STEAP1B: variants seen among roughly 807,000 people sequenced by gnomAD.
STEAP1B encodes the protein STEAP family protein MGC87042.
Under a neutral mutation model 27.9 loss-of-function variants are expected in STEAP1B, and 13 were observed. The observed-to-expected ratio is 0.47, with a 90% confidence interval of 0.30 to 0.74. The LOEUF (loss-of-function observed/expected upper bound fraction) is 0.74, where lower values mean the gene tolerates loss of function less well. Ranked by LOEUF, STEAP1B falls within the 30% of genes least tolerant of loss-of-function variation. The pLI, the probability that STEAP1B is intolerant of heterozygous loss-of-function variation, is 0.06. For missense variants in STEAP1B, 250 were observed against 298.7 expected (o/e 0.84, Z 1.20); for synonymous variants, 86 against 107.1 (o/e 0.80, Z 1.22).
chr7:22,435,361 G>A (rs1221607465), intron 4 of STEAP1B, among the ~76,000 whole-genome samples: 3 of 151,988 alleles, frequency 2.0e-5, no homozygotes, highest in Non-Finnish European at 4.4e-5. Context: ...AAACCACAGA[G>A]AAAAGCTGGA....
At chr7:22,435,074 T>A (rs1785237314) in intron 4 of STEAP1B, among the ~76,000 whole-genome samples, 1 of 152,136 alleles carries the variant, frequency 6.6e-6, no homozygotes. Context: ...AATAGCCACA[T>A]GTGGTTAACA....
chr7:22,469,449 C>T (rs1348420309), intron 4 of STEAP1B, among the ~76,000 whole-genome samples: 1 of 152,118 alleles, frequency 6.6e-6, no homozygotes, highest in African/African-American at 2.4e-5. Flanking sequence ...TATTAGTGTA[C>T]AGAATGTCCT....
At chr7:22,438,352 G>A (rs1785280834) in intron 4 of STEAP1B, 8 of 1,010,582 alleles carry the variant, frequency 7.9e-6, no homozygotes, top group East Asian at 2.6e-5. Flanking sequence ...ACATAATACT[G>A]TTAGTGAAGA....
chr7:22,461,678 C>T (rs532445564), intron 4 of STEAP1B, among the ~76,000 whole-genome samples: 14 of 152,318 alleles, frequency 9.2e-5, no homozygotes, highest in Middle Eastern at 3.4e-3. Context: ...TATTGGATTA[C>T]ACCATGTGCT....
At position 22,493,484 on chromosome 7, in the gene STEAP1B, T is replaced by C. The variant is rs1340210197; in HGVS notation, c.437A>G (p.Lys146Arg). Residue 146 changes from lysine to arginine, a missense_variant, in exon 3 of 5, where the codon AAG becomes AGG. By Grantham distance (26) the Lys-to-Arg change is conservative. Coordinates refer to ENST00000678116, the MANE Select transcript of STEAP1B (RefSeq NM_001382447.1). ...CAACCAATGTGGAAACTTCTTATAC[T>C]TGGTTCCATTATGAACTTGGACAAT... ...AAIVQVHNGT[K>R]YKKFPHWLDK... The C allele has an allele frequency of 6.2e-7, 1 of 1,613,572 alleles. No individual in the cohort carries two copies. Among genetic ancestry groups the C allele is most frequent in the African/African-American group, 1.3e-5 (1 of 74,866 alleles).
At chr7:22,491,413 T>C (rs1786319241) in intron 4 of STEAP1B, among the ~76,000 whole-genome samples, 1 of 152,160 alleles carries the variant, frequency 6.6e-6, no homozygotes, top group African/African-American at 2.4e-5. Context: ...GAATTCATAA[T>C]AGAATAAAGC....
intron 4 of STEAP1B, among the ~76,000 whole-genome samples, chr7:22,443,138 G>A (rs988044657): frequency 2.0e-5 from 3 of 151,996 alleles, no homozygotes; most frequent in Non-Finnish European, 2.9e-5. Flanking sequence ...CTCATCTTTC[G>A]CAGGTGTTTA....
intron 4 of STEAP1B, among the ~76,000 whole-genome samples, chr7:22,451,500 G>T (rs1785488882): frequency 6.6e-6 from 1 of 152,090 alleles, no homozygotes; most frequent in African/African-American, 2.4e-5. Flanking sequence ...AAAAGGTTTT[G>T]TTTTTCCCCA....
At chr7:22,497,728 CT>C (rs919005075) in intron 1 of STEAP1B, among the ~76,000 whole-genome samples, 3 of 152,112 alleles carry the variant, frequency 2.0e-5, no homozygotes, top group Non-Finnish European at 4.4e-5. Flanking sequence ...ATACCTGAGA[CT>C]GGGTAATTAT....
intron 1 of STEAP1B, among the ~76,000 whole-genome samples, chr7:22,497,990 A>G (rs918931523): frequency 4.6e-5 from 7 of 152,212 alleles, no homozygotes; most frequent in African/African-American, 1.7e-4. Context: ...TCAGATCATC[A>G]GGCAATAGTT....
At chr7:22,463,485 C>T (rs1199649640) in intron 4 of STEAP1B, among the ~76,000 whole-genome samples, 1 of 152,136 alleles carries the variant, frequency 6.6e-6, no homozygotes, top group African/African-American at 2.4e-5. Flanking sequence ...TGAAAAAGAG[C>T]CTGCATCGCC....
chr7:22,424,401 G>A (rs984934473), intron 4 of STEAP1B, among the ~76,000 whole-genome samples: 1 of 151,892 alleles, frequency 6.6e-6, no homozygotes, highest in African/African-American at 2.4e-5. Context: ...AATAAACAAA[G>A]GAAAATATAT....
rs1477182254 is a variant in STEAP1B at position 22,462,714 on chromosome 7, C to T, written c.762+29851G>A. 6.0e-5 allele frequency among the ~76,000 whole-genome samples: 9 copies of T among 151,202 alleles called. No individual in the cohort carries two copies. The East Asian group carries it at 1.7e-3, about 29-fold the overall frequency. On this transcript the variant is annotated intron_variant, in intron 4 of 4. Transcript: ENST00000678116. The stretch of plus-strand genomic sequence containing the variant: ...CATACGTGTGCATGTGTCTTTATAG[C>T]AGCATGATTTATAGTCCTTTGGGTA...
chr7:22,492,459 C>T, intron 4 of STEAP1B, 106 bp downstream of exon 4: 1 of 1,393,074 alleles, frequency 7.2e-7, no homozygotes, highest in South Asian at 1.8e-5. Context: ...AAGATCTTTG[C>T]TGTTGAAAAA....
intron 4 of STEAP1B, among the ~76,000 whole-genome samples, chr7:22,492,116 C>T (rs760499605): frequency 1.1e-4 from 16 of 151,584 alleles, no homozygotes; most frequent in African/African-American, 1.5e-4. Context: ...GTCAGGAGAT[C>T]GAGACCATCC....
At chr7:22,477,319 T>G (rs1274118106) in intron 4 of STEAP1B, among the ~76,000 whole-genome samples, 27 of 152,226 alleles carry the variant, frequency 1.8e-4, no homozygotes, top group Admixed American at 1.8e-3. Context: ...CTTTTATTAT[T>G]GATCCCTGAT....
chr7:22,433,937 C>T (rs10275929), intron 4 of STEAP1B, among the ~76,000 whole-genome samples: 35,712 of 152,068 alleles, frequency 0.23, 5,156 homozygotes, highest in Non-Finnish European at 0.31. Flanking sequence ...AGTGTTATGG[C>T]GGGAGCAGGG....
chr7:22,438,590 C>A, intron 4 of STEAP1B: 1 of 1,552,108 alleles, frequency 6.4e-7, no homozygotes, highest in Non-Finnish European at 8.7e-7. Context: ...GAAGGGCTGG[C>A]TGCTGATAAA....
At chr7:22,499,483 G>A (rs1786499079) in intron 1 of STEAP1B, among the ~76,000 whole-genome samples, 1 of 152,140 alleles carries the variant, frequency 6.6e-6, no homozygotes, top group East Asian at 1.9e-4. Context: ...TCAGGATGTG[G>A]AGGGAAATGT....
Sources: allele counts gnomAD v4.1 joint callset (sites outside exome capture counted in the v4.1 genomes callset), GRCh38; gene constraint gnomAD v4.1.1; transcripts MANE v1.5; gene names NCBI Gene and HGNC (gene_info 2026-07-23, HGNC 2026-07-21).